Variants in AGBL4 observed in about 807,000 individuals in gnomAD.
AGBL4 encodes cytosolic carboxypeptidase 6.
Under a neutral mutation model 66.4 loss-of-function variants are expected in AGBL4, and 58 were observed. That is an observed-to-expected ratio of 0.87 (90% CI 0.71 to 1.09). AGBL4 has a LOEUF of 1.09. Among genes scored for constraint, AGBL4 ranks in the 50% least tolerant of loss-of-function variants. AGBL4 has a pLI of 0.00. For missense variants in AGBL4, 579 were observed against 631.0 expected (o/e 0.92, Z 0.88); for synonymous variants, 234 against 222.9 (o/e 1.05, Z -0.44).
In AGBL4 at chr1:48,721,122, T is replaced by C. The variant is rs1339350692; in HGVS notation, c.635-57881A>G. Reference sequence around the variant, plus strand: ...CTCCACAGGGGAAGGAGAGTGTGGATAGTGCAAGGCCATTTATAACTGGGC... The same window carrying C: ...CTCCACAGGGGAAGGAGAGTGTGGACAGTGCAAGGCCATTTATAACTGGGC... On this transcript the variant is annotated intron_variant, in intron 6 of 13. Coordinates refer to ENST00000371839, the MANE Select transcript of AGBL4 (RefSeq NM_032785.4). Among the ~76,000 whole-genome samples the C allele has an allele frequency of 2.0e-5, 3 of 152,020 alleles. No homozygotes were observed. The East Asian group carries it at 5.9e-4, about 30-fold the overall frequency.
chr1:48,773,840 A>G (rs956785123), intron 6 of AGBL4, among the ~76,000 whole-genome samples: 27 of 152,182 alleles, frequency 1.8e-4, no homozygotes, highest in African/African-American at 6.5e-4. Context: ...ACCTACCAAA[A>G]TGTCACTTAG....
intron 3 of AGBL4, among the ~76,000 whole-genome samples, chr1:49,382,646 T>C (rs966296584): frequency 3.3e-5 from 5 of 152,102 alleles, no homozygotes; most frequent in Admixed American, 6.6e-5. Context: ...AATACAGTAC[T>C]GGAAGTCCTA....
At chr1:48,560,120 T>C (rs1037812432) in intron 11 of AGBL4, among the ~76,000 whole-genome samples, 28 of 152,202 alleles carry the variant, frequency 1.8e-4, no homozygotes, top group African/African-American at 6.8e-4. Flanking sequence ...ACCTCTTTCA[T>C]GACACTTGCA....
At chr1:48,801,626 A>G (rs918477208) in intron 6 of AGBL4, among the ~76,000 whole-genome samples, 2 of 151,750 alleles carry the variant, frequency 1.3e-5, no homozygotes, top group African/African-American at 4.8e-5. Context: ...TGTGTTCTGG[A>G]TTTTCAGGTT....
At chr1:48,627,288 A>T (rs1645518804) in intron 9 of AGBL4, among the ~76,000 whole-genome samples, 1 of 152,144 alleles carries the variant, frequency 6.6e-6, no homozygotes, top group South Asian at 2.1e-4. Flanking sequence ...AATTATGTAG[A>T]ACTGCATACT....
At chr1:49,061,112 A>G (rs1393715413) in intron 4 of AGBL4, among the ~76,000 whole-genome samples, 1 of 152,194 alleles carries the variant, frequency 6.6e-6, no homozygotes, top group Non-Finnish European at 1.5e-5. Flanking sequence ...ATAAGTAGCC[A>G]ATGACTTTCA....
At chr1:48,784,817 A>T (rs1211841403) in intron 6 of AGBL4, among the ~76,000 whole-genome samples, 1 of 152,254 alleles carries the variant, frequency 6.6e-6, no homozygotes, top group Non-Finnish European at 1.5e-5. Context: ...CTAGTAGTAT[A>T]ATATACTCTG....
At chr1:49,841,823 G>T in intron 2 of AGBL4, 1 of 383,582 alleles carries the variant, frequency 2.6e-6, no homozygotes, top group Non-Finnish European at 4.8e-6. Flanking sequence ...AATCCCACCG[G>T]CACCACGGCC....
intron 3 of AGBL4, among the ~76,000 whole-genome samples, chr1:49,356,219 G>A (rs1462180908): frequency 6.6e-6 from 1 of 152,200 alleles, no homozygotes. Flanking sequence ...AGAAAACCAA[G>A]ATTTTTCTAT....
chr1:49,025,175 G>A (rs1366733932), intron 5 of AGBL4, among the ~76,000 whole-genome samples: 2 of 152,122 alleles, frequency 1.3e-5, no homozygotes, highest in Admixed American at 6.6e-5. Context: ...TGCAGAGAGT[G>A]GATAAACAAA....
chr1:49,923,826 C>A (rs1652501543), intron 1 of AGBL4, among the ~76,000 whole-genome samples: 2 of 151,992 alleles, frequency 1.3e-5, no homozygotes, highest in Non-Finnish European at 2.9e-5. Context: ...CTGATGCTGG[C>A]AAGGTTGTGG....
At chr1:48,992,543 C>T (rs1660679341) in intron 5 of AGBL4, among the ~76,000 whole-genome samples, 1 of 152,108 alleles carries the variant, frequency 6.6e-6, no homozygotes, top group Non-Finnish European at 1.5e-5. Context: ...GCAAGGCCAG[C>T]CAGGCCTGTG....
At chr1:49,527,190 G>A (rs1330654543) in intron 3 of AGBL4, 1 of 152,034 alleles carries the variant, frequency 6.6e-6, no homozygotes, top group African/African-American at 2.4e-5. Flanking sequence ...AAAAGAAGGT[G>A]TATCCAAGTG....
intron 3 of AGBL4, among the ~76,000 whole-genome samples, chr1:49,317,320 C>T (rs1364475463): frequency 5.3e-5 from 8 of 151,854 alleles, no homozygotes; most frequent in Admixed American, 3.9e-4. Context: ...CTTTGCCTTT[C>T]TAAGCCTCAG....
chr1:49,887,025 G>A lies in AGBL4; in HGVS notation c.35-35507C>T, dbSNP rs75150388. ...ACCAGGTACTCACTCTGTGCTAGGC[G>A]TTGTGATAAGTGCTGGAGATCCAGA... On this transcript the variant is annotated intron_variant, in intron 1 of 13. Coordinates refer to ENST00000371839, the MANE Select transcript of AGBL4 (RefSeq NM_032785.4). 5.4e-3 allele frequency among the ~76,000 whole-genome samples: 822 copies of A among 151,978 alleles called. 9 individuals are homozygous for A. Among genetic ancestry groups the A allele is most frequent in the South Asian group, 0.023 (112 of 4,800 alleles).
chr1:49,334,738 A>G (rs1570459459), intron 3 of AGBL4, among the ~76,000 whole-genome samples: 2 of 152,304 alleles, frequency 1.3e-5, no homozygotes, highest in African/African-American at 4.8e-5. Flanking sequence ...CCTACCAACT[A>G]TTTGGCACTG....
At chr1:48,737,592 G>T (rs545185247) in intron 6 of AGBL4, among the ~76,000 whole-genome samples, 32 of 152,316 alleles carry the variant, frequency 2.1e-4, no homozygotes, top group African/African-American at 7.5e-4. Context: ...TACCCAGTTT[G>T]ATTCCGACGG....
chr1:48,721,548 A>G (rs1557903376), intron 6 of AGBL4, among the ~76,000 whole-genome samples: 2 of 152,164 alleles, frequency 1.3e-5, no homozygotes, highest in African/African-American at 2.4e-5. Flanking sequence ...TTAGGTGCCT[A>G]TTCCAGGGGT....
chr1:48,565,720 T>C lies in AGBL4; in HGVS notation c.1267+21284A>G, dbSNP rs78243445. ...TGACCTTGGGAAAGTTATTTTACTC[T>C]CTGGACTTCAGTGTCTCATAAGTTA... On this transcript the variant is annotated intron_variant, in intron 11 of 13. Coordinates refer to ENST00000371839, the MANE Select transcript of AGBL4 (RefSeq NM_032785.4). Among the ~76,000 whole-genome samples, 792 of 152,304 alleles carry C rather than the reference T, an allele frequency of 5.2e-3. 14 individuals carry two copies. Among genetic ancestry groups the C allele is most frequent in the South Asian group, 0.044 (213 of 4,826 alleles).
Sources: gnomAD v4.1 joint callset for allele counts (sites outside exome capture counted in the v4.1 genomes callset) on GRCh38, gnomAD v4.1.1 for gene constraint, MANE v1.5 for transcripts, NCBI Gene and HGNC (gene_info 2026-07-23, HGNC 2026-07-21) for gene names.